SCAMP1: variants seen among roughly 807,000 people sequenced by gnomAD.
The protein encoded by SCAMP1 is secretory carrier membrane protein 1.
In SCAMP1, 15 loss-of-function variants were observed where a neutral mutation model predicts 41.8. The observed-to-expected ratio is 0.36, with a 90% CI of 0.24 to 0.55. SCAMP1 has a LOEUF of 0.55. SCAMP1 is among the 20% of genes least tolerant of loss of function. The pLI is 0.86. For synonymous variants in SCAMP1, 135 were observed against 136.8 expected, an observed-to-expected ratio of 0.99 and a Z score of 0.09; for missense variants, 341 against 412.6, an observed-to-expected ratio of 0.83 and a Z score of 1.50.
chr5:78,458,657 G>A (rs1469843066), intron 7 of SCAMP1, among the ~76,000 whole-genome samples: 1 of 152,158 alleles, frequency 6.6e-6, no homozygotes, highest in Non-Finnish European at 1.5e-5. Flanking sequence ...CGAGTCAGGT[G>A]GATCACGAGG....
chr5:78,463,257 C>G (rs1367187193), intron 8 of SCAMP1, among the ~76,000 whole-genome samples: 9 of 152,224 alleles, frequency 5.9e-5, no homozygotes, highest in Non-Finnish European at 1.2e-4. Context: ...GGCTCCTCTG[C>G]TAAGACTTTG....
At chr5:78,441,469 G>A (rs534043126) in intron 6 of SCAMP1, among the ~76,000 whole-genome samples, 1 of 152,338 alleles carries the variant, frequency 6.6e-6, no homozygotes, top group African/African-American at 2.4e-5. Flanking sequence ...GTGTAAGAGT[G>A]ATAGGACCAT....
At chr5:78,403,636 T>A (rs1340881259) in intron 2 of SCAMP1, among the ~76,000 whole-genome samples, 3 of 151,984 alleles carry the variant, frequency 2.0e-5, no homozygotes, top group African/African-American at 7.2e-5. Context: ...ATCCTGTCTC[T>A]ACAAAACAAA....
chr5:78,473,848 T>G (rs1753942078), intron 8 of SCAMP1, among the ~76,000 whole-genome samples: 1 of 152,202 alleles, frequency 6.6e-6, no homozygotes, highest in African/African-American at 2.4e-5. Flanking sequence ...ATATGTTGTT[T>G]TAGTCCCTTT....
At chr5:78,368,670 A>G (rs1434656327) in intron 1 of SCAMP1, among the ~76,000 whole-genome samples, 1 of 152,216 alleles carries the variant, frequency 6.6e-6, no homozygotes, top group East Asian at 1.9e-4. Context: ...GGATATGCCC[A>G]AAGAGGACAG....
chr5:78,395,929 G>C (rs1751639519), intron 2 of SCAMP1, among the ~76,000 whole-genome samples: 1 of 152,146 alleles, frequency 6.6e-6, no homozygotes, highest in Non-Finnish European at 1.5e-5. Context: ...TGCACTCAAG[G>C]GAAGGGCATT....
intron 8 of SCAMP1, among the ~76,000 whole-genome samples, chr5:78,460,913 T>A (rs1753594500): frequency 6.6e-6 from 1 of 151,698 alleles, no homozygotes; most frequent in Non-Finnish European, 1.5e-5. Flanking sequence ...TGGAGTGCAG[T>A]GGCTCAATCT....
chr5:78,467,892 T>C lies in SCAMP1; in HGVS notation c.853-7612T>C, dbSNP rs115303304. ...TCACACTTGGTCAAAACTGGCAGTT[T>C]AATGACAAAAAATCCTTTGCAGGTA... On this transcript the variant is annotated intron_variant, in intron 8 of 8. Coordinates refer to ENST00000621999, the MANE Select transcript of SCAMP1 (RefSeq NM_004866.6). Among the ~76,000 whole-genome samples, 692 of 152,330 alleles carry C rather than the reference T, an allele frequency of 4.5e-3. 7 individuals are homozygous for C. Among genetic ancestry groups the C allele is most frequent in the African/African-American group, 0.016 (665 of 41,576 alleles).
rs1753833821 is a variant in SCAMP1, at chr5:78,469,897, AAAAAAAAAAAAAAAAC to A, written c.853-5591_853-5576del. Among the ~76,000 whole-genome samples the A allele has an allele frequency of 1.5e-4, 5 of 34,216 alleles. 1 individual carries two copies. The highest frequency in any genetic ancestry group is 2.8e-4 in the Non-Finnish European group (5 of 17,872). 22.4% of individuals were successfully genotyped at this position (34,216 alleles called of 152,430 possible). On this transcript the variant is annotated intron_variant, in intron 8 of 8. Transcript: ENST00000621999. ...CAACCCCTTACAAGACATTAAAAAA[AAAAAAAAAAAAAAAAC>A]AAAAAAAAAAAAAAAAAAACAACAA...
intron 6 of SCAMP1, among the ~76,000 whole-genome samples, chr5:78,429,430 A>G (rs1428007603): frequency 6.7e-6 from 1 of 149,220 alleles, no homozygotes; most frequent in Non-Finnish European, 1.5e-5. Context: ...ATCTGTGGAG[A>G]TAATCATGTG....
chr5:78,378,071 A>T lies in SCAMP1; in HGVS notation c.58-10766A>T, dbSNP rs1751109935. 2.6e-5 allele frequency among the ~76,000 whole-genome samples: 4 copies of T among 152,268 alleles called. No homozygotes were observed. The South Asian group carries it at 8.3e-4, about 32-fold the overall frequency. On this transcript the variant is annotated intron_variant, in intron 1 of 8. Transcript: ENST00000621999. Reference sequence around the variant, plus strand: ...GAGTTTGAGTGACTTGCCTGATGTCACAGTATTGGTCGTTACCAGGTGCTC... The same window carrying T: ...GAGTTTGAGTGACTTGCCTGATGTCTCAGTATTGGTCGTTACCAGGTGCTC...
Position 78,475,612 on chromosome 5 carries a change from G to T in SCAMP1, c.961G>T (p.Ala321Ser). Residue 321 changes from alanine (A) to serine (S), a missense_variant, in exon 9 of 9, where the codon GCT becomes TCT. Physicochemically the swap from Ala to Ser is moderately conservative, Grantham distance 99. Transcript: ENST00000621999. ...KTVQTAAANAASTAASSAAQN... is the reference protein window; with the variant it reads ...KTVQTAAANASSTAASSAAQN... ...TGTCCAGACCGCAGCTGCAAATGCA[G>T]CTTCAACTGCAGCATCTAGTGCAGC... The T allele has an allele frequency of 6.2e-7, 1 of 1,604,878 alleles. No homozygotes were observed. The highest frequency in any genetic ancestry group is 8.5e-7 in the Non-Finnish European group (1 of 1,175,626).
intron 6 of SCAMP1, among the ~76,000 whole-genome samples, chr5:78,435,082 A>G (rs1332931956): frequency 1.3e-5 from 2 of 152,170 alleles, no homozygotes; most frequent in Admixed American, 1.3e-4. Flanking sequence ...AGCAGGATGA[A>G]ACATGTTTAC....
rs1424101079 is a variant in SCAMP1, at chr5:78,415,682, A to G, written c.234+64A>G. The stretch of plus-strand genomic sequence containing the variant: ...TATAATATCAATAACATTTGCTTTC[A>G]GAGCAAAATAAATCTTTATATGGTT... On this transcript the variant is annotated intron_variant, in intron 3 of 8. Transcript: ENST00000621999. 1.1e-5 allele frequency: 11 copies of G among 1,012,530 alleles called. No homozygotes were observed. The Admixed American group carries it at 1.8e-4, about 17-fold the overall frequency. The allele number at this position is 1,012,530 out of a possible 1,614,324, so 62.7% of individuals were successfully genotyped here. A position where few individuals can be genotyped will look rare whatever the true frequency, so the allele number is the denominator to read the frequency against.
chr5:78,417,162 C>T lies in SCAMP1; in HGVS notation c.343+513C>T, dbSNP rs534248888. On this transcript the variant is annotated intron_variant, in intron 4 of 8. Transcript: ENST00000621999. Reference sequence around the variant, plus strand: ...GCAGTGAATTCTATTAAGTTTGTGCCTGCCAAAGCACTTCAAAGGAGTCTC... The same window carrying T: ...GCAGTGAATTCTATTAAGTTTGTGCTTGCCAAAGCACTTCAAAGGAGTCTC... Among the ~76,000 whole-genome samples, 9 of 152,282 alleles carry T rather than the reference C, an allele frequency of 5.9e-5. No homozygotes were observed. The South Asian group carries it at 6.2e-4, about 11-fold the overall frequency.
At chr5:78,416,898 G>A (rs1752224037) in intron 4 of SCAMP1, among the ~76,000 whole-genome samples, 1 of 152,184 alleles carries the variant, frequency 6.6e-6, no homozygotes, top group South Asian at 2.1e-4. Context: ...ATGTGAATAT[G>A]ATAATTTTTG....
chr5:78,377,732 G>T (rs757641143), intron 1 of SCAMP1, among the ~76,000 whole-genome samples: 18 of 152,000 alleles, frequency 1.2e-4, no homozygotes, highest in Non-Finnish European at 2.1e-4. Flanking sequence ...TTTTTTGCTT[G>T]ATCCTTAACT....
chr5:78,369,667 T>A (rs937836434), intron 1 of SCAMP1, among the ~76,000 whole-genome samples: 1 of 152,194 alleles, frequency 6.6e-6, no homozygotes, highest in Admixed American at 6.5e-5. Context: ...TTTATTTTTT[T>A]AAAAAAGGCA....
intron 4 of SCAMP1, among the ~76,000 whole-genome samples, chr5:78,418,236 G>C (rs1334517453): frequency 6.6e-6 from 1 of 151,994 alleles, no homozygotes; most frequent in Non-Finnish European, 1.5e-5. Context: ...TTTTTTCCCA[G>C]ATTTTGAGTA....
Sources: allele counts gnomAD v4.1 joint callset (sites outside exome capture counted in the v4.1 genomes callset), GRCh38; gene constraint gnomAD v4.1.1; transcripts MANE v1.5; gene names NCBI Gene and HGNC (gene_info 2026-07-23, HGNC 2026-07-21).